JAK2: variants seen among roughly 807,000 people sequenced by gnomAD.
JAK2 encodes tyrosine-protein kinase JAK2.
JAK2 carries 86 observed loss-of-function variants against 139.3 expected under a neutral mutation model. The ratio of observed to expected loss-of-function variants is 0.62; its 90% CI spans 0.52 to 0.74. The LOEUF is 0.74. Ranked by LOEUF, JAK2 falls within the 30% of genes least tolerant of loss-of-function variation. The pLI, the probability that JAK2 is intolerant of heterozygous loss-of-function variation, is 0.00. For synonymous variants in JAK2, 490 were observed against 437.7 expected (o/e 1.12, Z -1.49); for missense variants, 1,421 against 1,360.3 (o/e 1.04, Z -0.70).
intron 19 of JAK2, chr9:5,086,169 C>G (rs1177308114): frequency 7.6e-6 from 3 of 394,480 alleles, no homozygotes; most frequent in South Asian, 5.6e-5. Context: ...GGTCTCCACG[C>G]CGCCGGTCTC....
intron 6 of JAK2, among the ~76,000 whole-genome samples, chr9:5,052,767 G>T (rs1817511237): frequency 1.3e-5 from 2 of 151,768 alleles, no homozygotes; most frequent in African/African-American, 2.4e-5. Context: ...TTTTTGTCTG[G>T]CTTCTTTCAC....
chr9:5,124,548 G>A (rs930289026), intron 23 of JAK2, among the ~76,000 whole-genome samples: 1 of 151,512 alleles, frequency 6.6e-6, no homozygotes, highest in Non-Finnish European at 1.5e-5. Context: ...CACAGAATTA[G>A]AAAAAACAAT....
intron 8 of JAK2, among the ~76,000 whole-genome samples, chr9:5,057,649 C>G (rs1039627401): frequency 1.4e-5 from 2 of 140,516 alleles, no homozygotes; most frequent in South Asian, 4.4e-4. Context: ...ATGGCGCGAT[C>G]TTGGCTCACT....
At chr9:5,033,408 T>G (rs1031967841) in intron 4 of JAK2, among the ~76,000 whole-genome samples, 4 of 152,076 alleles carry the variant, frequency 2.6e-5, no homozygotes, top group African/African-American at 9.7e-5. Context: ...AGATACTCCT[T>G]GAGAAGAGCA....
At chr9:5,031,820 C>T (rs1036371084) in intron 4 of JAK2, among the ~76,000 whole-genome samples, 1 of 152,194 alleles carries the variant, frequency 6.6e-6, no homozygotes, top group Non-Finnish European at 1.5e-5. Flanking sequence ...GTCTACAGCT[C>T]CCAGCATGGG....
intron 19 of JAK2, among the ~76,000 whole-genome samples, chr9:5,089,110 T>C (rs1820355894): frequency 6.6e-6 from 1 of 152,270 alleles, no homozygotes; most frequent in East Asian, 1.9e-4. Context: ...TCATCATTTA[T>C]TTAAATGCTT....
At chr9:5,093,184 A>G (rs965531889) in intron 22 of JAK2, among the ~76,000 whole-genome samples, 8 of 152,238 alleles carry the variant, frequency 5.3e-5, no homozygotes, top group Non-Finnish European at 7.3e-5. Context: ...ATATTTTACA[A>G]TAAGCATCCT....
intron 11 of JAK2, 123 bp from the exon 12 acceptor site, chr9:5,069,802 A>G (rs1360803560): frequency 2.1e-6 from 1 of 476,892 alleles, no homozygotes; most frequent in African/African-American, 2.0e-5. Flanking sequence ...ATTATAAAAA[A>G]AGAACAATTA....
rs181485257 is a variant in JAK2, at chr9:5,033,587, A to C, written c.350+3681A>C. ...CAGAAGAGAGTGGGGGCCAATATTCAACATTCTTAAAGAAAAGAATTTTCA... is the reference window on the plus strand; with the variant it reads ...CAGAAGAGAGTGGGGGCCAATATTCCACATTCTTAAAGAAAAGAATTTTCA... On this transcript the variant is annotated intron_variant, in intron 4 of 24. Coordinates refer to ENST00000381652, the MANE Select transcript of JAK2 (RefSeq NM_004972.4). 1.6e-3 allele frequency among the ~76,000 whole-genome samples: 238 copies of C among 152,334 alleles called. 2 individuals carry two copies. In the East Asian group the frequency reaches 0.032, roughly 20 times the overall value.
intron 8 of JAK2, among the ~76,000 whole-genome samples, chr9:5,058,216 C>T (rs1013843321): frequency 2.0e-5 from 3 of 152,030 alleles, no homozygotes; most frequent in Non-Finnish European, 2.9e-5. Context: ...TCTATTAGTC[C>T]GTTCTCACAC....
At position 5,054,939 on chromosome 9, in the gene JAK2, A is replaced by C; in HGVS notation, c.936+55A>C. 7.7e-7 allele frequency: 1 copy of C among 1,301,254 alleles called. No homozygotes were observed. Among genetic ancestry groups the C allele is most frequent in the Non-Finnish European group, 1.1e-6 (1 of 946,294 alleles). The allele number at this position is 1,301,254 out of a possible 1,614,324, so 80.6% of individuals were successfully genotyped here. On this transcript the variant is annotated intron_variant, in intron 7 of 24. Coordinates refer to ENST00000381652, the MANE Select transcript of JAK2 (RefSeq NM_004972.4). The surrounding 1 kb of genome is among the most constrained non-coding windows in gnomAD (Gnocchi z 4.9). ...TGTTATTTTAAGTACAATGGAAATA[A>C]AAACAAAGTAATTTTAATCATTTGC...
At chr9:5,119,361 T>C (rs1823444033) in intron 22 of JAK2, among the ~76,000 whole-genome samples, 2 of 152,234 alleles carry the variant, frequency 1.3e-5, no homozygotes, top group South Asian at 4.1e-4. Flanking sequence ...CAAGGTTCCT[T>C]TCTAATTTTA....
chr9:5,072,004 C>T (rs1343444242), intron 12 of JAK2, among the ~76,000 whole-genome samples: 1 of 152,138 alleles, frequency 6.6e-6, no homozygotes, highest in Non-Finnish European at 1.5e-5. Flanking sequence ...TCATAACAAT[C>T]CTATGGGAAA....
intron 20 of JAK2, 104 bp downstream of exon 20, chr9:5,089,967 C>A: frequency 1.5e-6 from 1 of 671,028 alleles, no homozygotes; most frequent in Non-Finnish European, 2.2e-6. Flanking sequence ...TGCCAATGCC[C>A]AGAGGGAGAG....
At chr9:5,070,923 A>G (rs945792143) in intron 12 of JAK2, among the ~76,000 whole-genome samples, 1 of 152,196 alleles carries the variant, frequency 6.6e-6, no homozygotes, top group African/African-American at 2.4e-5. Flanking sequence ...AAGTGAGACT[A>G]TCCCTGAGTA....
chr9:4,996,788 G>C, intron 2 of JAK2, among the ~76,000 whole-genome samples: 1 of 151,944 alleles, frequency 6.6e-6, no homozygotes, highest in East Asian at 1.9e-4. Flanking sequence ...AAAATTATTA[G>C]AAGTAAAATG....
intron 22 of JAK2, chr9:5,112,728 A>G: frequency 1.2e-5 from 9 of 758,286 alleles, no homozygotes; most frequent in Non-Finnish European, 1.6e-5. Context: ...CTGAATCCCA[A>G]AACAGCCTGT....
At chr9:5,080,934 C>T (rs1175139041) in intron 18 of JAK2, among the ~76,000 whole-genome samples, 12 of 127,198 alleles carry the variant, frequency 9.4e-5, no homozygotes, top group African/African-American at 2.6e-4. Flanking sequence ...CTTACTCTGT[C>T]GCCCAGGCTG....
At chr9:5,088,702 A>G (rs904075155) in intron 19 of JAK2, among the ~76,000 whole-genome samples, 2 of 152,206 alleles carry the variant, frequency 1.3e-5, no homozygotes, top group Non-Finnish European at 2.9e-5. Flanking sequence ...AAGTTCTGGC[A>G]GGGATTGGTT....
Sources: allele counts gnomAD v4.1 joint callset (sites outside exome capture counted in the v4.1 genomes callset), GRCh38; gene constraint gnomAD v4.1.1; non-coding constraint Gnocchi (gnomAD v3.1); transcripts MANE v1.5; gene names NCBI Gene and HGNC (gene_info 2026-07-23, HGNC 2026-07-21).